CTNND2: variants seen among roughly 807,000 people sequenced by gnomAD.
CTNND2 encodes the protein catenin delta-2.
Under a neutral mutation model 144.4 loss-of-function variants are expected in CTNND2, and 22 were observed. The observed-to-expected ratio is 0.15, with a 90% CI of 0.11 to 0.22. The LOEUF (loss-of-function observed/expected upper bound fraction) is 0.22. Among genes scored for constraint, CTNND2 ranks in the 10% least tolerant of loss-of-function variants. CTNND2 has a pLI of 1.00. For missense variants in CTNND2, 1,353 were observed against 1,618.8 expected, an observed-to-expected ratio of 0.84 and a Z score of 2.82; for synonymous variants, 751 against 695.6, an observed-to-expected ratio of 1.08 and a Z score of -1.25.
intron 9 of CTNND2, among the ~76,000 whole-genome samples, chr5:11,294,150 G>T (rs939258084): frequency 6.9e-6 from 1 of 144,490 alleles, no homozygotes; most frequent in Non-Finnish European, 1.5e-5. Flanking sequence ...ACATCAACTC[G>T]TACATATAGT....
At chr5:11,132,421 T>C (rs939445551) in intron 12 of CTNND2, among the ~76,000 whole-genome samples, 3 of 152,194 alleles carry the variant, frequency 2.0e-5, no homozygotes, top group Admixed American at 1.3e-4. Context: ...GATTAGGTCA[T>C]AAGGATGAGA....
intron 3 of CTNND2, among the ~76,000 whole-genome samples, chr5:11,438,028 G>C (rs1391118267): frequency 6.6e-6 from 1 of 152,182 alleles, no homozygotes; most frequent in African/African-American, 2.4e-5. Context: ...GACAACATGG[G>C]AGAAGAACCT....
intron 11 of CTNND2, among the ~76,000 whole-genome samples, chr5:11,160,117 T>G (rs1758626694): frequency 6.6e-6 from 1 of 152,204 alleles, no homozygotes; most frequent in African/African-American, 2.4e-5. Context: ...GTGAAAGTTA[T>G]TTGAAATGGA....
chr5:11,680,678 G>A (rs145981599), intron 2 of CTNND2, among the ~76,000 whole-genome samples: 7 of 152,194 alleles, frequency 4.6e-5, no homozygotes, highest in South Asian at 4.2e-4. Context: ...GAGTAGATGC[G>A]TGTGGGCTGA....
At chr5:11,512,166 G>A (rs544873875) in intron 3 of CTNND2, among the ~76,000 whole-genome samples, 7 of 152,282 alleles carry the variant, frequency 4.6e-5, no homozygotes, top group Admixed American at 4.6e-4. Flanking sequence ...ACAACACAGT[G>A]TTTGCTTTAA....
chr5:11,903,675 G>T lies in CTNND2; in HGVS notation c.37+142C>A. ...ACCTGGCGCGATCGCGGTCCTCCCC[G>T]AGGCAGGCAGAAACCCCGCAGCAGC... On this transcript the variant is annotated intron_variant, in intron 1 of 21. Coordinates refer to ENST00000304623, the MANE Select transcript of CTNND2 (RefSeq NM_001332.4). This position sits in a 1 kb window ranked among gnomAD's most constrained non-coding sequence, Gnocchi z 5.4. 1.1e-6 allele frequency: 1 copy of T among 899,978 alleles called. No individual in the cohort carries two copies. The highest frequency in any genetic ancestry group is 1.5e-6 in the Non-Finnish European group (1 of 649,980). 55.7% of individuals were successfully genotyped at this position (899,978 alleles called of 1,614,324 possible).
chr5:11,518,164 T>C (rs1333585444), intron 3 of CTNND2, among the ~76,000 whole-genome samples: 1 of 152,190 alleles, frequency 6.6e-6, no homozygotes, highest in East Asian at 1.9e-4. Context: ...GAAAATGTCC[T>C]ATTGCCTAGT....
intron 10 of CTNND2, among the ~76,000 whole-genome samples, chr5:11,230,147 C>T (rs561195158): frequency 7.3e-6 from 1 of 137,286 alleles, no homozygotes; most frequent in Non-Finnish European, 1.5e-5. Flanking sequence ...TATTCTCACT[C>T]ATAGGTGGGA....
In CTNND2 at chr5:11,458,200, C is replaced by T. The variant is rs566491924; in HGVS notation, c.288-46131G>A. Among the ~76,000 whole-genome samples the T allele has an allele frequency of 3.3e-5, 5 of 152,306 alleles. No individual in the cohort carries two copies. In the East Asian group the frequency reaches 7.7e-4, roughly 24 times the overall value. On this transcript the variant is annotated intron_variant, in intron 3 of 21. Coordinates refer to ENST00000304623, the MANE Select transcript of CTNND2 (RefSeq NM_001332.4). ...CCAAGGGGTCTACTCAGGAAACACC[C>T]TAAGTTTTGCTTACTTAAAAGCTAA...
intron 1 of CTNND2, among the ~76,000 whole-genome samples, chr5:11,733,175 G>C (rs1022479435): frequency 2.6e-5 from 4 of 152,144 alleles, no homozygotes; most frequent in Admixed American, 6.6e-5. Context: ...ATCCAACCCA[G>C]GGACTGTGGG....
intron 18 of CTNND2, among the ~76,000 whole-genome samples, chr5:11,011,709 T>C (rs761588553): frequency 1.3e-5 from 2 of 152,200 alleles, no homozygotes; most frequent in Non-Finnish European, 2.9e-5. Context: ...TTGAATGGCC[T>C]GGCTTGTCTT....
chr5:11,610,343 T>C (rs868438562), intron 2 of CTNND2, among the ~76,000 whole-genome samples: 2 of 152,212 alleles, frequency 1.3e-5, no homozygotes, highest in African/African-American at 4.8e-5. Context: ...TTTCAAACTC[T>C]TTAGCTGAAA....
chr5:11,260,269 C>T (rs1293647708), intron 9 of CTNND2, among the ~76,000 whole-genome samples: 10 of 152,100 alleles, frequency 6.6e-5, no homozygotes, highest in Admixed American at 6.6e-4. Context: ...GGTGTTTAGA[C>T]CTCTTTGGAA....
At chr5:11,065,166 T>A (rs1390407011) in intron 16 of CTNND2, among the ~76,000 whole-genome samples, 2 of 152,234 alleles carry the variant, frequency 1.3e-5, no homozygotes, top group Admixed American at 1.3e-4. Flanking sequence ...AAGTCCTGCT[T>A]TAAGCCAAGC....
chr5:11,405,188 C>T (rs1335999391), intron 5 of CTNND2, among the ~76,000 whole-genome samples: 1 of 152,184 alleles, frequency 6.6e-6, no homozygotes, highest in Non-Finnish European at 1.5e-5. Context: ...AGGTTCTACA[C>T]ACATTGTGCT....
chr5:11,347,668 A>C (rs1754933899), intron 8 of CTNND2, among the ~76,000 whole-genome samples: 1 of 152,222 alleles, frequency 6.6e-6, no homozygotes, highest in Admixed American at 6.5e-5. Context: ...AACAGACTTC[A>C]TATCCAAAAT....
At chr5:11,601,147 T>C (rs1273220256) in intron 2 of CTNND2, among the ~76,000 whole-genome samples, 2 of 152,212 alleles carry the variant, frequency 1.3e-5, no homozygotes, top group Non-Finnish European at 2.9e-5. Flanking sequence ...TTTGTATCCA[T>C]AGATGTATAA....
intron 1 of CTNND2, among the ~76,000 whole-genome samples, chr5:11,840,222 A>G (rs1238972476): frequency 6.6e-6 from 1 of 152,186 alleles, no homozygotes; most frequent in Non-Finnish European, 1.5e-5. Context: ...ACCAAAATCC[A>G]TGATGCCTGT....
intron 3 of CTNND2, among the ~76,000 whole-genome samples, chr5:11,517,905 C>T (rs537200949): frequency 1.3e-5 from 2 of 152,274 alleles, no homozygotes; most frequent in East Asian, 1.9e-4. Flanking sequence ...AGTCATCATG[C>T]TGTATATTAG....
Sources: allele counts gnomAD v4.1 joint callset (sites outside exome capture counted in the v4.1 genomes callset), GRCh38; gene constraint gnomAD v4.1.1; non-coding constraint Gnocchi (gnomAD v3.1); transcripts MANE v1.5; gene names NCBI Gene and HGNC (gene_info 2026-07-23, HGNC 2026-07-21).